PPP1R16B: variants seen among roughly 807,000 people sequenced by gnomAD.
PPP1R16B encodes the protein protein phosphatase 1 regulatory inhibitor subunit 16B.
In PPP1R16B, 14 loss-of-function variants were observed where a neutral mutation model predicts 61.7. The observed-to-expected ratio is 0.23, with a 90% CI of 0.15 to 0.35. The LOEUF (loss-of-function observed/expected upper bound fraction) is 0.35, where lower values mean the gene tolerates loss of function less well. Among genes scored for constraint, PPP1R16B ranks in the 10% least tolerant of loss-of-function variants. PPP1R16B has a pLI of 1.00. For missense variants in PPP1R16B, 547 were observed against 752.5 expected, an observed-to-expected ratio of 0.73 and a Z score of 3.19; for synonymous variants, 266 against 305.3, an observed-to-expected ratio of 0.87 and a Z score of 1.34.
chr20:38,865,587 G>A (rs1466933457), intron 2 of PPP1R16B, among the ~76,000 whole-genome samples: 1 of 152,102 alleles, frequency 6.6e-6, no homozygotes, highest in Non-Finnish European at 1.5e-5. Flanking sequence ...CGCCGCGCCC[G>A]GCCTGCTGCA....
chr20:38,852,602 G>A (rs1044270799), intron 2 of PPP1R16B, among the ~76,000 whole-genome samples: 1 of 152,108 alleles, frequency 6.6e-6, no homozygotes, highest in Non-Finnish European at 1.5e-5. Flanking sequence ...TAATAAGGAG[G>A]TGTATGAGAG....
At chr20:38,810,375 T>C (rs2084692710) in intron 1 of PPP1R16B, among the ~76,000 whole-genome samples, 1 of 152,250 alleles carries the variant, frequency 6.6e-6, no homozygotes, top group Non-Finnish European at 1.5e-5. Context: ...GCAGTCCCTC[T>C]GCACCTTCCT....
At position 38,907,300 on chromosome 20, in the gene PPP1R16B, TG is replaced by T. The variant is rs1458797339; in HGVS notation, c.898+249del. ...ATATTATGAGGTCTGGTTGAATGGA[TG>T]GGTGGGTGGGTGGATGGATGGATGG... On this transcript the variant is annotated intron_variant, in intron 8 of 10. Transcript: ENST00000299824. The surrounding 1 kb of genome is among the most constrained non-coding windows in gnomAD (Gnocchi z 4.5). 7.2e-6 allele frequency among the ~76,000 whole-genome samples: 1 copy of T among 138,872 alleles called. No homozygotes were observed. Among genetic ancestry groups the T allele is most frequent in the African/African-American group, 2.9e-5 (1 of 34,826 alleles). 91.1% of individuals were successfully genotyped at this position (138,872 alleles called of 152,430 possible).
At chr20:38,862,901 A>G (rs1445360664) in intron 2 of PPP1R16B, among the ~76,000 whole-genome samples, 1 of 152,150 alleles carries the variant, frequency 6.6e-6, no homozygotes, top group African/African-American at 2.4e-5. Context: ...TCACCAATTC[A>G]GCTTCCTGGG....
intron 2 of PPP1R16B, among the ~76,000 whole-genome samples, chr20:38,858,370 G>C (rs757516644): frequency 1.8e-4 from 28 of 151,514 alleles, no homozygotes; most frequent in Non-Finnish European, 7.4e-5. Flanking sequence ...GGACACAAAG[G>C]CCTCAAAAGC....
intron 2 of PPP1R16B, among the ~76,000 whole-genome samples, chr20:38,842,558 C>A (rs1178312591): frequency 6.6e-6 from 1 of 152,070 alleles, no homozygotes; most frequent in African/African-American, 2.4e-5. Flanking sequence ...TTTTCAAACT[C>A]TTTTTTAAGC....
chr20:38,832,897 G>A (rs1486191146), intron 1 of PPP1R16B, among the ~76,000 whole-genome samples: 3 of 146,144 alleles, frequency 2.1e-5, no homozygotes, highest in Non-Finnish European at 3.0e-5. Context: ...CAGCCTGGGC[G>A]ACAGAGCGAG....
intron 2 of PPP1R16B, among the ~76,000 whole-genome samples, chr20:38,886,871 G>C (rs1395793473): frequency 6.6e-6 from 1 of 152,236 alleles, no homozygotes; most frequent in Admixed American, 6.5e-5. Flanking sequence ...ATAAGTACCA[G>C]GTCATGGTTC....
Position 38,918,018 on chromosome 20 carries a change from G to T in PPP1R16B, c.1195-139G>T. 1 of 1,220,602 alleles carries T rather than the reference G, an allele frequency of 8.2e-7. No individual in the cohort carries two copies. 75.6% of individuals were successfully genotyped at this position (1,220,602 alleles called of 1,614,324 possible). A position where few individuals can be genotyped will look rare whatever the true frequency, so the allele number is the denominator to read the frequency against. On this transcript the variant is annotated intron_variant, in intron 10 of 10. Coordinates refer to ENST00000299824, the MANE Select transcript of PPP1R16B (RefSeq NM_015568.4). The surrounding 1 kb of genome is among the most constrained non-coding windows in gnomAD (Gnocchi z 5.3). ...TTCATAGATTGGGGGTTCCCCAAAGGAAAACCCTGGCCCCGATACCCAGGG... is the reference window on the plus strand; with the variant it reads ...TTCATAGATTGGGGGTTCCCCAAAGTAAAACCCTGGCCCCGATACCCAGGG...
At chr20:38,914,686 A>T (rs552355194) in intron 10 of PPP1R16B, among the ~76,000 whole-genome samples, 3 of 152,176 alleles carry the variant, frequency 2.0e-5, no homozygotes, top group Non-Finnish European at 4.4e-5. Flanking sequence ...TTGTTGAGAC[A>T]GGGTCTCATT....
At position 38,828,103 on chromosome 20, in the gene PPP1R16B, C is replaced by T. The variant is rs1329414215; in HGVS notation, c.-101-7722C>T. 2.0e-5 allele frequency among the ~76,000 whole-genome samples: 3 copies of T among 152,178 alleles called. No homozygotes were observed. In the East Asian group the frequency reaches 5.8e-4, roughly 29 times the overall value. On this transcript the variant is annotated intron_variant, in intron 1 of 10. Coordinates refer to ENST00000299824, the MANE Select transcript of PPP1R16B (RefSeq NM_015568.4). ...CTTTCTGACTCATATTTTAAAATCT[C>T]TTAAATTTGAATTCACCTTCCTTCA...
At chr20:38,855,685 G>A (rs2084999033) in intron 2 of PPP1R16B, among the ~76,000 whole-genome samples, 1 of 151,632 alleles carries the variant, frequency 6.6e-6, no homozygotes, top group African/African-American at 2.4e-5. Context: ...CCCCCTGCCT[G>A]AGCAGCACAT....
chr20:38,865,371 G>C (rs1462159911), intron 2 of PPP1R16B, among the ~76,000 whole-genome samples: 1 of 151,172 alleles, frequency 6.6e-6, no homozygotes, highest in East Asian at 2.0e-4. Flanking sequence ...CTCACTGCGA[G>C]CTCCGCCTCC....
intron 2 of PPP1R16B, among the ~76,000 whole-genome samples, chr20:38,875,692 C>T (rs564691045): frequency 1.3e-5 from 2 of 152,204 alleles, no homozygotes; most frequent in South Asian, 2.1e-4. Context: ...CAGAAGGTCA[C>T]GCTCTTGACA....
rs1465545857 is a variant in PPP1R16B, at chr20:38,835,866, G to T, written c.-60G>T. On this transcript the variant is annotated 5_prime_UTR_variant, in exon 2 of 11. Transcript: ENST00000299824. ...CCAGCCCCACCAGAGGCCCCGCGCTGCCCTGGCCCCCGGTGCACCGTGCTA... is the reference window on the plus strand; with the variant it reads ...CCAGCCCCACCAGAGGCCCCGCGCTTCCCTGGCCCCCGGTGCACCGTGCTA... 6.8e-7 allele frequency: 1 copy of T among 1,470,304 alleles called. No individual in the cohort carries two copies. The allele number at this position is 1,470,304 out of a possible 1,614,324, so 91.1% of individuals were successfully genotyped here. A position where few individuals can be genotyped will look rare whatever the true frequency, so the allele number is the denominator to read the frequency against.
At chr20:38,841,839 G>A (rs1280002848) in intron 2 of PPP1R16B, among the ~76,000 whole-genome samples, 1 of 152,212 alleles carries the variant, frequency 6.6e-6, no homozygotes, top group Admixed American at 6.5e-5. Flanking sequence ...ACCAGTAGGT[G>A]AACGTTTGGA....
intron 3 of PPP1R16B, among the ~76,000 whole-genome samples, chr20:38,894,858 G>T (rs1171198210): frequency 6.6e-6 from 1 of 152,220 alleles, no homozygotes; most frequent in Non-Finnish European, 1.5e-5. Context: ...GCTGCAGGCT[G>T]CTGGCCCTTC....
chr20:38,909,532 G>T (rs1472852468), intron 10 of PPP1R16B, among the ~76,000 whole-genome samples: 1 of 152,228 alleles, frequency 6.6e-6, no homozygotes, highest in African/African-American at 2.4e-5. Flanking sequence ...TTTGGGGCTG[G>T]AGTGGAATTG....
chr20:38,883,962 T>C (rs1001484778), intron 2 of PPP1R16B, among the ~76,000 whole-genome samples: 2 of 152,150 alleles, frequency 1.3e-5, no homozygotes, highest in South Asian at 4.1e-4. Context: ...TGCATGAGAA[T>C]AAATGGGTCA....
Sources: allele counts gnomAD v4.1 joint callset (sites outside exome capture counted in the v4.1 genomes callset), GRCh38; gene constraint gnomAD v4.1.1; non-coding constraint Gnocchi (gnomAD v3.1); transcripts MANE v1.5; gene names NCBI Gene and HGNC (gene_info 2026-07-23, HGNC 2026-07-21).